Variants in SPOPL observed in about 807,000 individuals in gnomAD.
SPOPL encodes speckle-type POZ protein-like.
Under a neutral mutation model 53.8 loss-of-function variants are expected in SPOPL, and 23 were observed. The ratio of observed to expected loss-of-function variants is 0.43; its 90% confidence interval spans 0.31 to 0.61. SPOPL has a LOEUF of 0.61. Ranked by LOEUF, SPOPL falls within the 20% of genes least tolerant of loss-of-function variation. The pLI is 0.12. For missense variants in SPOPL, 442 were observed against 466.9 expected (o/e 0.95, Z 0.49); for synonymous variants, 164 against 149.7 (o/e 1.10, Z -0.70).
rs560142033 is a variant in SPOPL at position 138,514,877 on chromosome 2, G to C, written c.-61+12758G>C. Among the ~76,000 whole-genome samples, 50 of 152,238 alleles carry C rather than the reference G, an allele frequency of 3.3e-4. No homozygotes were observed. In the South Asian group the frequency reaches 3.5e-3, roughly 11 times the overall value. ...CTCTGGAACATTGGCTTGATATTCT[G>C]TCTCATATATTTAGCCATTCTGGTG... On this transcript the variant is annotated intron_variant, in intron 1 of 10. Coordinates refer to ENST00000280098, the MANE Select transcript of SPOPL (RefSeq NM_001001664.3).
intron 1 of SPOPL, among the ~76,000 whole-genome samples, chr2:138,532,157 G>C (rs1047698170): frequency 3.3e-5 from 5 of 152,032 alleles, no homozygotes; most frequent in African/African-American, 1.2e-4. Flanking sequence ...TTGCCTCTTG[G>C]CTTCCTGCTG....
intron 1 of SPOPL, among the ~76,000 whole-genome samples, chr2:138,508,865 A>G (rs988556477): frequency 3.3e-5 from 5 of 152,232 alleles, no homozygotes; most frequent in South Asian, 2.1e-4. Context: ...TTATATAACA[A>G]CTGTGTGCTT....
chr2:138,529,543 C>CGT (rs1242481689), intron 1 of SPOPL, among the ~76,000 whole-genome samples: 2 of 141,126 alleles, frequency 1.4e-5, no homozygotes, highest in South Asian at 2.3e-4. Flanking sequence ...TGTTTGCGTG[C>CGT]GCGCGCGCTT....
At chr2:138,558,925 C>A in intron 5 of SPOPL, 97 bp from the exon 6 acceptor site, 2 of 998,846 alleles carry the variant, frequency 2.0e-6, no homozygotes, top group Non-Finnish European at 1.4e-6. Context: ...TTGAATTATC[C>A]AAATAAGCTT....
Position 138,536,125 on chromosome 2 carries a change from A to G in SPOPL, c.-60-14032A>G, listed in dbSNP as rs542611780. On this transcript the variant is annotated intron_variant, in intron 1 of 10. Transcript: ENST00000280098. Reference sequence around the variant, plus strand: ...GAATGCTTTGTCTGTTAAATCCAACATGTAAGTTTAATCACAGTTTCTGTT... The same window carrying G: ...GAATGCTTTGTCTGTTAAATCCAACGTGTAAGTTTAATCACAGTTTCTGTT... Among the ~76,000 whole-genome samples the G allele has an allele frequency of 1.2e-4, 18 of 152,246 alleles. No homozygotes were observed. The South Asian group carries it at 2.1e-3, about 18-fold the overall frequency.
At chr2:138,507,032 G>A (rs1684228637) in intron 1 of SPOPL, among the ~76,000 whole-genome samples, 1 of 152,180 alleles carries the variant, frequency 6.6e-6, no homozygotes, top group Non-Finnish European at 1.5e-5. Flanking sequence ...AAAGAAGGGA[G>A]TGGCCAGTTG....
At chr2:138,511,669 GA>G (rs1050236382) in intron 1 of SPOPL, among the ~76,000 whole-genome samples, 50 of 152,294 alleles carry the variant, frequency 3.3e-4, no homozygotes, top group Admixed American at 2.9e-3. Flanking sequence ...ATCAATTTCA[GA>G]AATGTTAAAA....
chr2:138,552,295 C>G (rs1460513144), intron 4 of SPOPL, among the ~76,000 whole-genome samples: 4 of 151,998 alleles, frequency 2.6e-5, no homozygotes, highest in Non-Finnish European at 5.9e-5. Flanking sequence ...GTGATTTGAT[C>G]TGACTTTTCT....
Position 138,501,788 on chromosome 2 carries a change from G to C in SPOPL, c.-392G>C, listed in dbSNP as rs566374735. Reference sequence around the variant, plus strand: ...CGCGCGCACGCGCCCTCGCGGGCTGGAGCCGGGGCTGGAGTCGTAACTCGG... The same window carrying C: ...CGCGCGCACGCGCCCTCGCGGGCTGCAGCCGGGGCTGGAGTCGTAACTCGG... On this transcript the variant is annotated 5_prime_UTR_variant, in exon 1 of 11. Coordinates refer to ENST00000280098, the MANE Select transcript of SPOPL (RefSeq NM_001001664.3). 6.2e-3 allele frequency: 966 copies of C among 156,702 alleles called. 5 individuals are homozygous for C. The highest frequency in any genetic ancestry group is 0.022 in the African/African-American group (924 of 41,566). The allele number at this position is 156,702 out of a possible 1,614,324, so 9.7% of individuals were successfully genotyped here.
intron 1 of SPOPL, among the ~76,000 whole-genome samples, chr2:138,504,127 T>C (rs1394606456): frequency 2.6e-5 from 4 of 152,256 alleles, no homozygotes; most frequent in Non-Finnish European, 5.9e-5. Context: ...AATCACTATT[T>C]GCTGTCCTAA....
rs755568699 is a variant in SPOPL, at chr2:138,572,845, A to G, written c.*3765A>G. On this transcript the variant is annotated 3_prime_UTR_variant, in exon 11 of 11. Coordinates refer to ENST00000280098, the MANE Select transcript of SPOPL (RefSeq NM_001001664.3). Reference sequence around the variant, plus strand: ...ATGCAAGACTAACTCCTTACTAGGAATGAAATCACACAGTGTCTTCTGTTT... The same window carrying G: ...ATGCAAGACTAACTCCTTACTAGGAGTGAAATCACACAGTGTCTTCTGTTT... The G allele has an allele frequency of 6.6e-6, 1 of 152,606 alleles. No homozygotes were observed. Among genetic ancestry groups the G allele is most frequent in the Non-Finnish European group, 1.5e-5 (1 of 68,010 alleles). 9.5% of individuals were successfully genotyped at this position (152,606 alleles called of 1,614,324 possible).
intron 8 of SPOPL, 30 bp from the exon 9 acceptor site, chr2:138,564,678 G>T (rs755112988): frequency 3.1e-6 from 5 of 1,612,594 alleles, no homozygotes; most frequent in Non-Finnish European, 4.2e-6. Context: ...TGGAGTAAAT[G>T]TTTAATGGTT....
rs368247934 is a variant in SPOPL, at chr2:138,556,738, T to C, written c.481-2284T>C. 4.6e-5 allele frequency among the ~76,000 whole-genome samples: 7 copies of C among 152,326 alleles called. No homozygotes were observed. The South Asian group carries it at 1.4e-3, about 32-fold the overall frequency. ...CAGATTTATTTATTTATACAATATCTTGTGGCTCCCATACTTAGAGAAACA... is the reference window on the plus strand; with the variant it reads ...CAGATTTATTTATTTATACAATATCCTGTGGCTCCCATACTTAGAGAAACA... On this transcript the variant is annotated intron_variant, in intron 5 of 10. Coordinates refer to ENST00000280098, the MANE Select transcript of SPOPL (RefSeq NM_001001664.3).
intron 5 of SPOPL, among the ~76,000 whole-genome samples, chr2:138,556,099 AT>A (rs1158841319): frequency 6.6e-6 from 1 of 152,168 alleles, no homozygotes; most frequent in Non-Finnish European, 1.5e-5. Flanking sequence ...TAGATCATTA[AT>A]TTATGTTCTA....
chr2:138,506,672 G>C (rs1387006201), intron 1 of SPOPL, among the ~76,000 whole-genome samples: 2 of 152,076 alleles, frequency 1.3e-5, no homozygotes, highest in African/African-American at 4.8e-5. Context: ...AGGGAAGGGG[G>C]AGGTATTGGT....
rs1007272871 is a variant in SPOPL, at chr2:138,572,160, G to T, written c.*3080G>T. 1 of 152,450 alleles carries T rather than the reference G, an allele frequency of 6.6e-6. No individual in the cohort carries two copies. Among genetic ancestry groups the T allele is most frequent in the Non-Finnish European group, 1.5e-5 (1 of 67,988 alleles). 9.4% of individuals were successfully genotyped at this position (152,450 alleles called of 1,614,324 possible). The stretch of plus-strand genomic sequence containing the variant: ...TAGCAGAAATATTTCATTTAAATAT[G>T]CTTTACTTTGGAGGACAATTGATTA... On this transcript the variant is annotated 3_prime_UTR_variant, in exon 11 of 11. Transcript: ENST00000280098.
chr2:138,521,092 A>C (rs189197459), intron 1 of SPOPL, among the ~76,000 whole-genome samples: 20 of 152,336 alleles, frequency 1.3e-4, no homozygotes, highest in African/African-American at 4.3e-4. Context: ...ATGTTATGCT[A>C]TAGGAAAAGT....
chr2:138,569,837 A>T lies in SPOPL; in HGVS notation c.*757A>T, dbSNP rs546183177. The T allele has an allele frequency of 6.5e-6, 1 of 152,720 alleles. No individual in the cohort carries two copies. The highest frequency in any genetic ancestry group is 2.1e-4 in the South Asian group (1 of 4,826). The allele number at this position is 152,720 out of a possible 1,614,324, so 9.5% of individuals were successfully genotyped here. On this transcript the variant is annotated 3_prime_UTR_variant, in exon 11 of 11. Transcript: ENST00000280098. ...TTTTAATTTATACTGACCTACATTT[A>T]TACGAAGAATTCTGTACATGTTAAA...
rs146280286 is a variant in SPOPL, at chr2:138,566,212, C to T, written c.1034+1219C>T. On this transcript the variant is annotated intron_variant, in intron 10 of 10. Transcript: ENST00000280098. ...AAATTATTGGTTGTCTTGTATAATACGTTGGTCAGTGTATGCTAATATGAT... is the reference window on the plus strand; with the variant it reads ...AAATTATTGGTTGTCTTGTATAATATGTTGGTCAGTGTATGCTAATATGAT... Among the ~76,000 whole-genome samples, 7 of 152,098 alleles carry T rather than the reference C, an allele frequency of 4.6e-5. No homozygotes were observed. The South Asian group carries it at 6.2e-4, about 14-fold the overall frequency.
Sources: gnomAD v4.1 joint callset for allele counts (sites outside exome capture counted in the v4.1 genomes callset) on GRCh38, gnomAD v4.1.1 for gene constraint, MANE v1.5 for transcripts, NCBI Gene and HGNC (gene_info 2026-07-23, HGNC 2026-07-21) for gene names.